BRD3: variants seen among roughly 807,000 people sequenced by gnomAD.
The protein encoded by BRD3 is bromodomain-containing protein 3.
Under a neutral mutation model 66.8 loss-of-function variants are expected in BRD3, and 17 were observed. The observed-to-expected ratio is 0.25, with a 90% CI of 0.17 to 0.38. BRD3 has a LOEUF of 0.38. Ranked by LOEUF, BRD3 falls within the 10% of genes least tolerant of loss-of-function variation. The pLI is 1.00. For synonymous variants in BRD3, 421 were observed against 393.2 expected (o/e 1.07, Z -0.84); for missense variants, 713 against 956.1 (o/e 0.75, Z 3.35).
chr9:134,055,065 C>T (rs1342300731), intron 1 of BRD3, among the ~76,000 whole-genome samples: 3 of 152,170 alleles, frequency 2.0e-5, no homozygotes, highest in Admixed American at 6.5e-5. Flanking sequence ...TCCACCTCAC[C>T]GACCCGGTGC....
At chr9:134,036,742 C>A (rs1280593161) in intron 9 of BRD3, among the ~76,000 whole-genome samples, 1 of 152,218 alleles carries the variant, frequency 6.6e-6, no homozygotes, top group Non-Finnish European at 1.5e-5. Flanking sequence ...GGCGCGGTGG[C>A]TCACGCCTGT....
chr9:134,041,643 G>A (rs753322720), intron 8 of BRD3, 117 bp downstream of exon 8: 26 of 1,320,362 alleles, frequency 2.0e-5, no homozygotes, highest in South Asian at 5.7e-5. Context: ...AAGCACTACC[G>A]CGGCTGCTGA....
intron 1 of BRD3, among the ~76,000 whole-genome samples, chr9:134,064,296 G>A (rs538345830): frequency 2.0e-5 from 3 of 152,294 alleles, no homozygotes; most frequent in African/African-American, 7.2e-5. Flanking sequence ...GGGAGGCTGA[G>A]ATGGGTGGAT....
intron 1 of BRD3, among the ~76,000 whole-genome samples, chr9:134,065,790 C>G (rs1335562766): frequency 1.3e-5 from 2 of 152,206 alleles, no homozygotes; most frequent in Non-Finnish European, 2.9e-5. Context: ...CTGGTGGCAC[C>G]AGGAATCGCA....
At chr9:134,054,512 A>C (rs1015731753) in intron 1 of BRD3, 5 of 152,338 alleles carry the variant, frequency 3.3e-5, no homozygotes, top group Non-Finnish European at 7.3e-5. Context: ...AGACCCGAGG[A>C]GCTCTAACCC....
intron 7 of BRD3, among the ~76,000 whole-genome samples, 200 bp from the exon 8 acceptor site, chr9:134,042,151 C>T (rs1830062869): frequency 6.6e-6 from 1 of 152,086 alleles, no homozygotes; most frequent in Non-Finnish European, 1.5e-5. Flanking sequence ...CCAGGCAATT[C>T]CTGCGGACAG....
In BRD3 at chr9:134,045,535, G is replaced by C; in HGVS notation, c.1087-114C>G. On this transcript the variant is annotated intron_variant, in intron 6 of 11. Transcript: ENST00000303407. This position sits in a 1 kb window ranked among gnomAD's most constrained non-coding sequence, Gnocchi z 4.8. ...AGGAGCCACTGCCAGCTCCAGGGCA[G>C]TGCCTACTGGCCTGGCCGGCAGGAC... 1.3e-6 allele frequency: 2 copies of C among 1,491,718 alleles called. No individual in the cohort carries two copies. The highest frequency in any genetic ancestry group is 1.8e-6 in the Non-Finnish European group (2 of 1,089,940). The allele number at this position is 1,491,718 out of a possible 1,614,324, so 92.4% of individuals were successfully genotyped here.
In BRD3 at chr9:134,051,701, A is replaced by C; in HGVS notation, c.360T>G (p.Asp120Glu). Reference sequence around the variant, plus strand: ...AAGCTTGGGCCATTAGCACTATGTCATCTGTGGGCTGAAGACACAGAGAGT... The same window carrying C: ...AAGCTTGGGCCATTAGCACTATGTCCTCTGTGGGCTGAAGACACAGAGAGT... The part of the protein sequence containing the change: ...TNCYIYNKPT[D>E]DIVLMAQALE... Residue 120 changes from aspartate (D) to glutamate (E), a missense_variant, in exon 4 of 12, where the codon GAT becomes GAG. Transcript: ENST00000303407. 1 of 1,590,820 alleles carries C rather than the reference A, an allele frequency of 6.3e-7. No individual in the cohort carries two copies. Among genetic ancestry groups the C allele is most frequent in the South Asian group, 1.2e-5 (1 of 86,460 alleles).
chr9:134,068,261 C>G (rs1775981655), upstream of BRD3: 1 of 146,332 alleles, frequency 6.8e-6, no homozygotes, highest in Non-Finnish European at 1.5e-5. Context: ...GGCGCCCGCC[C>G]GGCAGGGCAA....
In BRD3 at chr9:134,048,446, G is replaced by A. The variant is rs150276875; in HGVS notation, c.723C>T (p.Gly241=). The change falls in exon 6 of 12, where the codon GGC becomes GGT. Residue 241 remains glycine, a synonymous_variant. Coordinates refer to ENST00000303407, the MANE Select transcript of BRD3 (RefSeq NM_007371.4). ...PPTPPVVKKK[G]VKRKADTTTP... ...TGGTTGTGTCTGCTTTCCGCTTCAC[G>A]CCCTTTTTCTGCGACAGTGAAATAA... 3,779 of 1,598,484 alleles carry A rather than the reference G, an allele frequency of 2.4e-3. 109 individuals are homozygous for A. The Admixed American group carries it at 0.052, about 22-fold the overall frequency.
At chr9:134,050,277 G>C in intron 5 of BRD3, 97 bp downstream of exon 5, 2 of 1,144,502 alleles carry the variant, frequency 1.7e-6, no homozygotes, top group Non-Finnish European at 2.5e-6. Context: ...CCAGCACTCA[G>C]GGAAAGGTGG....
At chr9:134,067,739 G>C (rs1357356770) in intron 1 of BRD3, among the ~76,000 whole-genome samples, 1 of 144,454 alleles carries the variant, frequency 6.9e-6, no homozygotes, top group Non-Finnish European at 1.5e-5. Context: ...CCGCCGCCGC[G>C]ACCCCGGGCG....
At chr9:134,067,498 C>T (rs1397766196) in intron 1 of BRD3, among the ~76,000 whole-genome samples, 5 of 148,468 alleles carry the variant, frequency 3.4e-5, no homozygotes, top group Admixed American at 3.3e-4. Context: ...CGCACCTTCC[C>T]CCTCCGCGTC....
rs1358719319 is a variant in BRD3, at chr9:134,053,299, T to C, written c.179A>G (p.Tyr60Cys). 1.2e-6 allele frequency: 2 copies of C among 1,613,214 alleles called. No individual in the cohort carries two copies. Among genetic ancestry groups the C allele is most frequent in the African/African-American group, 1.3e-5 (1 of 74,824 alleles). ...CAATTTGATTGCGTCCACGGGCTGG[T>C]AGAAGGGCCAGGCGAACTGGTGTTT... ...LWKHQFAWPF[Y>C]QPVDAIKLNL... Residue 60 changes from tyrosine (Y) to cysteine (C), a missense_variant, in exon 2 of 12, where the codon TAC becomes TGC. Around this residue, in one of 5 missense-constraint regions of BRD3, gnomAD observed 85 missense variants for 152.4 expected, o/e 0.56. Transcript: ENST00000303407.
intron 4 of BRD3, among the ~76,000 whole-genome samples, chr9:134,051,335 G>C (rs1228345122): frequency 1.3e-5 from 2 of 152,334 alleles, no homozygotes; most frequent in African/African-American, 4.8e-5. Context: ...CTCCTCCCCA[G>C]CGTGGGCTCA....
intron 1 of BRD3, among the ~76,000 whole-genome samples, chr9:134,060,725 C>T (rs1439774835): frequency 6.6e-6 from 1 of 152,158 alleles, no homozygotes; most frequent in Non-Finnish European, 1.5e-5. Context: ...CACTCATGCC[C>T]CATCCAAGAG....
intron 2 of BRD3, among the ~76,000 whole-genome samples, chr9:134,053,038 G>A (rs1339205481): frequency 6.6e-6 from 1 of 152,326 alleles, no homozygotes; most frequent in East Asian, 1.9e-4. Context: ...CCGGACACGC[G>A]TGGCTTCTCC....
At chr9:134,059,698 G>C (rs1830498036) in intron 1 of BRD3, among the ~76,000 whole-genome samples, 1 of 152,192 alleles carries the variant, frequency 6.6e-6, no homozygotes, top group African/African-American at 2.4e-5. Context: ...AAGGGTCTGT[G>C]AGCATGTACA....
At position 134,048,197 on chromosome 9, in the gene BRD3, G is replaced by A. The variant is rs1830216484; in HGVS notation, c.972C>T (p.Ser324=). 1 of 1,612,666 alleles carries A rather than the reference G, an allele frequency of 6.2e-7. No homozygotes were observed. Among genetic ancestry groups the A allele is most frequent in the Admixed American group, 1.7e-5 (1 of 59,966 alleles). The change falls in exon 6 of 12, where the codon TCC becomes TCT. Residue 324 remains serine, a synonymous_variant. Coordinates refer to ENST00000303407, the MANE Select transcript of BRD3 (RefSeq NM_007371.4). ...GCCAGGCGTAGGCCGCGTGCTTCTT[G>A]GATAGCATCTCCCTGAGGATGCTGT... ...YCDSILREML[S]KKHAAYAWPF...
Sources: allele counts gnomAD v4.1 joint callset (sites outside exome capture counted in the v4.1 genomes callset), GRCh38; gene constraint gnomAD v4.1.1; regional missense constraint gnomAD v4.1.1; non-coding constraint Gnocchi (gnomAD v3.1); transcripts MANE v1.5; gene names NCBI Gene and HGNC (gene_info 2026-07-23, HGNC 2026-07-21).